Variants in ATP2A2 observed in about 807,000 individuals in gnomAD.
ATP2A2 encodes the protein ATPase sarcoplasmic/endoplasmic reticulum Ca2+ transporting 2, also known as sarcoplasmic/endoplasmic reticulum calcium ATPase 2.
Under a neutral mutation model 109.3 loss-of-function variants are expected in ATP2A2, and 14 were observed. The ratio of observed to expected loss-of-function variants is 0.13; its 90% CI spans 0.08 to 0.20. ATP2A2 has a LOEUF of 0.20. Ranked by LOEUF, ATP2A2 falls within the 10% of genes least tolerant of loss-of-function variation. The pLI, the probability that ATP2A2 is intolerant of heterozygous loss-of-function variation, is 1.00. For synonymous variants in ATP2A2, 506 were observed against 490.9 expected, an observed-to-expected ratio of 1.03 and a Z score of -0.41; for missense variants, 657 against 1,321.6, an observed-to-expected ratio of 0.50 and a Z score of 7.80.
Position 110,342,290 on chromosome 12 carries a change from C to T in ATP2A2, c.2160C>T (p.Gly720=), listed in dbSNP as rs375843214. ...AAGCCGAGATTGGCATTGCTATGGG[C>T]TCTGGCACTGCGGTGGCTAAAACCG... ...LKKAEIGIAM[G]SGTAVAKTAS... is the part of the protein sequence containing the mutation. The change falls in exon 15 of 20, where the codon GGC becomes GGT. Residue 720 remains glycine (G), a synonymous_variant. Coordinates refer to ENST00000539276, the MANE Select transcript of ATP2A2 (RefSeq NM_170665.4). The surrounding 1 kb of genome is among the most constrained non-coding windows in gnomAD (Gnocchi z 4.6). 6.2e-7 allele frequency: 1 copy of T among 1,614,108 alleles called. No individual in the cohort carries two copies. Among genetic ancestry groups the T allele is most frequent in the African/African-American group, 1.3e-5 (1 of 74,936 alleles).
chr12:110,348,274 CT>C lies in ATP2A2; in HGVS notation c.*1806del. The stretch of plus-strand genomic sequence containing the variant: ...CCACTTCCCCACTCCCCCACCCCCC[CT>C]TGCTTGGTCTTGTCCTTGGTGGCTA... On this transcript the variant is annotated 3_prime_UTR_variant, in exon 20 of 20. Transcript: ENST00000539276. 2 of 985,484 alleles carry C rather than the reference CT, an allele frequency of 2.0e-6. No individual in the cohort carries two copies. Among genetic ancestry groups the C allele is most frequent in the Non-Finnish European group, 2.4e-6 (2 of 829,976 alleles). 61.0% of individuals were successfully genotyped at this position (985,484 alleles called of 1,614,324 possible).
rs935030940 is a variant in ATP2A2 at position 110,326,177 on chromosome 12, T to C, written c.545-213T>C. ...AATTCACTTTTTTATTTTGGAATTGTGTTGATTTTTATCCTGACACCCTTT... is the reference window on the plus strand; with the variant it reads ...AATTCACTTTTTTATTTTGGAATTGCGTTGATTTTTATCCTGACACCCTTT... On this transcript the variant is annotated intron_variant, in intron 6 of 19. Coordinates refer to ENST00000539276, the MANE Select transcript of ATP2A2 (RefSeq NM_170665.4). 7.0e-6 allele frequency: 4 copies of C among 573,848 alleles called. No individual in the cohort carries two copies. The African/African-American group carries it at 7.5e-5, about 11-fold the overall frequency. 35.5% of individuals were successfully genotyped at this position (573,848 alleles called of 1,614,324 possible).
At chr12:110,322,438 G>A (rs1877338077) in intron 5 of ATP2A2, among the ~76,000 whole-genome samples, 1 of 151,816 alleles carries the variant, frequency 6.6e-6, no homozygotes, top group African/African-American at 2.4e-5. Flanking sequence ...TTGCCTCACT[G>A]ATCTCTACAT....
chr12:110,333,872 T>C, intron 10 of ATP2A2, 140 bp from the exon 11 acceptor site: 1 of 1,036,234 alleles, frequency 9.7e-7, no homozygotes, highest in Non-Finnish European at 1.4e-6. Flanking sequence ...CTGGGTCACC[T>C]GTTTCAGAGG....
At chr12:110,324,502 A>C (rs936190587) in intron 6 of ATP2A2, among the ~76,000 whole-genome samples, 1 of 152,002 alleles carries the variant, frequency 6.6e-6, no homozygotes, top group Non-Finnish European at 1.5e-5. Context: ...GCTCACTGCA[A>C]CCTCTGCCTC....
intron 8 of ATP2A2, chr12:110,330,359 A>T (rs190119913): frequency 1.3e-5 from 2 of 152,310 alleles, no homozygotes; most frequent in African/African-American, 4.8e-5. Flanking sequence ...GAAAGCTTCT[A>T]GGTTTGTCTT....
chr12:110,282,655 T>A, intron 2 of ATP2A2, 34 bp downstream of exon 2: 1 of 1,613,900 alleles, frequency 6.2e-7, no homozygotes, highest in Non-Finnish European at 8.5e-7. Context: ...TTTTTTTTCC[T>A]CTGTTGGTGT....
chr12:110,313,490 A>G (rs1183758205), intron 5 of ATP2A2, among the ~76,000 whole-genome samples: 1 of 150,236 alleles, frequency 6.7e-6, no homozygotes, highest in East Asian at 2.0e-4. Flanking sequence ...TTTTTTGTAT[A>G]TTTTAGTAGA....
chr12:110,334,347 T>C (rs968105045), intron 11 of ATP2A2: 8 of 683,846 alleles, frequency 1.2e-5, no homozygotes, highest in Middle Eastern at 4.2e-4. Context: ...CAATAGCTAA[T>C]TTCCTTGAGC....
At chr12:110,283,315 G>T (rs1187062195) in intron 3 of ATP2A2, among the ~76,000 whole-genome samples, 3 of 152,074 alleles carry the variant, frequency 2.0e-5, no homozygotes, top group Non-Finnish European at 4.4e-5. Context: ...TGACCTTTAG[G>T]GTGGTATATT....
rs775506967 is a variant in ATP2A2 at position 110,339,830 on chromosome 12, G to C, written c.1761+109G>C. ...AGTTCTCACTTTTGCCAAGAAAGAG[G>C]TGTGGTTATTTGTTTTTCTGCCTGC... On this transcript the variant is annotated intron_variant, in intron 13 of 19. Coordinates refer to ENST00000539276, the MANE Select transcript of ATP2A2 (RefSeq NM_170665.4). This position sits in a 1 kb window ranked among gnomAD's most constrained non-coding sequence, Gnocchi z 4.4. 1.6e-5 allele frequency: 20 copies of C among 1,250,794 alleles called. No homozygotes were observed. The highest frequency in any genetic ancestry group is 3.0e-5 in the African/African-American group (2 of 67,194). 77.5% of individuals were successfully genotyped at this position (1,250,794 alleles called of 1,614,324 possible).
chr12:110,340,572 G>T lies in ATP2A2; in HGVS notation c.1762-87G>T. ...AAAAAGAAAAAAAATGCAGAAACCT[G>T]TCTCAATGTTTAACTGGGCATTTTT... On this transcript the variant is annotated intron_variant, in intron 13 of 19. Coordinates refer to ENST00000539276, the MANE Select transcript of ATP2A2 (RefSeq NM_170665.4). This position sits in a 1 kb window ranked among gnomAD's most constrained non-coding sequence, Gnocchi z 6.0. 2 of 1,361,808 alleles carry T rather than the reference G, an allele frequency of 1.5e-6. No individual in the cohort carries two copies. The highest frequency in any genetic ancestry group is 2.1e-6 in the Non-Finnish European group (2 of 970,758). The allele number at this position is 1,361,808 out of a possible 1,614,324, so 84.4% of individuals were successfully genotyped here. A position where few individuals can be genotyped will look rare whatever the true frequency, so the allele number is the denominator to read the frequency against.
At chr12:110,293,380 T>C (rs1873546669) in intron 4 of ATP2A2, among the ~76,000 whole-genome samples, 1 of 121,922 alleles carries the variant, frequency 8.2e-6, no homozygotes. Context: ...TTTTTTTTTT[T>C]TTTTTTTTGT....
At chr12:110,306,331 G>A (rs548796144) in intron 5 of ATP2A2, among the ~76,000 whole-genome samples, 8 of 152,338 alleles carry the variant, frequency 5.3e-5, no homozygotes, top group South Asian at 2.1e-4. Context: ...GAGCCACCGC[G>A]CCCGGCCTAG....
At chr12:110,296,287 T>C (rs1873953258) in intron 4 of ATP2A2, 4 of 367,156 alleles carry the variant, frequency 1.1e-5, no homozygotes, top group Non-Finnish European at 2.1e-5. Flanking sequence ...CAGAATTGAT[T>C]TTAAATGGCA....
chr12:110,296,851 A>G, intron 5 of ATP2A2, 114 bp downstream of exon 5: 1 of 1,202,192 alleles, frequency 8.3e-7, no homozygotes, highest in Non-Finnish European at 1.2e-6. Flanking sequence ...CAATTAACAC[A>G]TTTTATTGCC....
chr12:110,293,826 A>ATGTG (rs59260681), intron 4 of ATP2A2, among the ~76,000 whole-genome samples: 8,594 of 108,468 alleles, frequency 0.079, 548 homozygotes, highest in African/African-American at 0.15. Flanking sequence ...TGCCATATAT[A>ATGTG]TGTGTGTGTG....
At chr12:110,318,301 C>G (rs1876879460) in intron 5 of ATP2A2, among the ~76,000 whole-genome samples, 1 of 152,120 alleles carries the variant, frequency 6.6e-6, no homozygotes, top group Admixed American at 6.5e-5. Context: ...CTGATATCAA[C>G]AAAAGGAATG....
chr12:110,331,210 C>A (rs1477505137), intron 8 of ATP2A2: 1 of 151,192 alleles, frequency 6.6e-6, no homozygotes, highest in African/African-American at 2.4e-5. Context: ...TGCAGTCCAC[C>A]CAGCCTAGGC....
Sources: gnomAD v4.1 joint callset for allele counts (sites outside exome capture counted in the v4.1 genomes callset) on GRCh38, gnomAD v4.1.1 for gene constraint, Gnocchi (gnomAD v3.1) non-coding constraint, MANE v1.5 for transcripts, NCBI Gene and HGNC (gene_info 2026-07-23, HGNC 2026-07-21) for gene names.